C2orf92: variants seen among roughly 807,000 people sequenced by gnomAD.
The protein encoded by C2orf92 is uncharacterized protein C2orf92.
At chr2:97,665,765 ATATATATATT>A (rs1675210297), upstream of C2orf92, 1 of 90,394 alleles carries the variant, frequency 1.1e-5, no homozygotes, top group Non-Finnish European at 2.4e-5. Flanking sequence ...ATATATATAT[ATATATATATT>A]TTGTTTTGTT....
rs185370588 is a variant in C2orf92, at chr2:97,688,610, C to T, written c.233-285C>T. The stretch of plus-strand genomic sequence containing the variant: ...GGTGCATCAGAATGACAACAGAAAC[C>T]AGAAGAGTTATTAGGGCACTAAGTA... On this transcript the variant is annotated intron_variant, in intron 3 of 7. Coordinates refer to ENST00000627399, the MANE Select transcript of C2orf92 (RefSeq NM_001351368.2). Among the ~76,000 whole-genome samples, 4 of 152,214 alleles carry T rather than the reference C, an allele frequency of 2.6e-5. No individual in the cohort carries two copies. In the East Asian group the frequency reaches 7.7e-4, roughly 29 times the overall value.
chr2:97,675,892 T>A lies in C2orf92; in HGVS notation c.196T>A (p.Ser66Thr). The change falls in exon 3 of 8, where the codon TCA (serine) becomes ACA (threonine). Residue 66 changes from serine to threonine, a missense_variant. Coordinates refer to ENST00000627399, the MANE Select transcript of C2orf92 (RefSeq NM_001351368.2). ...GAACAATGCTGCATTTGCATCAGGT[T>A]CAAATGAGCGAGAGGAACATTTGGC... ...SLNNAAFASG[S>T]NEREEHLAKI... 2.5e-6 allele frequency: 1 copy of A among 399,090 alleles called. No individual in the cohort carries two copies. 24.7% of individuals were successfully genotyped at this position (399,090 alleles called of 1,614,324 possible). A position where few individuals can be genotyped will look rare whatever the true frequency, so the allele number is the denominator to read the frequency against.
In C2orf92 at chr2:97,675,828, G is replaced by T; in HGVS notation, c.149-17G>T. On this transcript the variant is annotated splice_polypyrimidine_tract_variant and intron_variant, in intron 2 of 7. Coordinates refer to ENST00000627399, the MANE Select transcript of C2orf92 (RefSeq NM_001351368.2). ...CAATGAAAGACTTAATCACAGCCAT[G>T]GTTTATTTTCCCTTAGGCTATTCCC... is the stretch of plus-strand genomic sequence containing the variant. 2 of 399,080 alleles carry T rather than the reference G, an allele frequency of 5.0e-6. No homozygotes were observed. Among genetic ancestry groups the T allele is most frequent in the Non-Finnish European group, 8.8e-6 (2 of 226,072 alleles). 24.7% of individuals were successfully genotyped at this position (399,080 alleles called of 1,614,324 possible).
chr2:97,693,139 T>G (rs1352578616), intron 5 of C2orf92, among the ~76,000 whole-genome samples: 1 of 152,210 alleles, frequency 6.6e-6, no homozygotes, highest in Non-Finnish European at 1.5e-5. Flanking sequence ...TTAATGCATG[T>G]TGTAGCATAT....
chr2:97,674,511 A>C lies in C2orf92; in HGVS notation c.102A>C (p.Glu34Asp). 5.0e-6 allele frequency: 2 copies of C among 398,662 alleles called. No individual in the cohort carries two copies. Among genetic ancestry groups the C allele is most frequent in the Non-Finnish European group, 8.8e-6 (2 of 226,078 alleles). The allele number at this position is 398,662 out of a possible 1,614,324, so 24.7% of individuals were successfully genotyped here. Reference sequence around the variant, plus strand: ...TTCCGTATGACCCATCATTTGATGAAACAAGAACAGCAGTCAGATCCATTA... The same window carrying C: ...TTCCGTATGACCCATCATTTGATGACACAAGAACAGCAGTCAGATCCATTA... ...SKVPYDPSFD[E>D]TRTAVRSITK... The change falls in exon 2 of 8, where the codon GAA becomes GAC. Residue 34 changes from glutamate to aspartate, a missense_variant. Glu to Asp is a conservative substitution (Grantham distance 45). Transcript: ENST00000627399.
intron 4 of C2orf92, 107 bp from the exon 5 acceptor site, chr2:97,690,149 A>C: frequency 2.7e-6 from 1 of 374,118 alleles, no homozygotes; most frequent in Non-Finnish European, 4.8e-6. Context: ...AAAAAACCAC[A>C]AAAAAACCAA....
At chr2:97,692,016 T>C (rs1309125716) in intron 5 of C2orf92, among the ~76,000 whole-genome samples, 4 of 152,238 alleles carry the variant, frequency 2.6e-5, no homozygotes, top group Non-Finnish European at 5.9e-5. Flanking sequence ...TGTTTTTCCA[T>C]GTGAACTTTA....
chr2:97,671,332 G>GT (rs1176502474), intron 1 of C2orf92: 18 of 321,084 alleles, frequency 5.6e-5, no homozygotes, highest in Non-Finnish European at 1.0e-4. Context: ...TTTTTGTAGA[G>GT]TCGGGGGTCT....
chr2:97,698,309 T>C (rs993224899), intron 5 of C2orf92, among the ~76,000 whole-genome samples: 9 of 152,160 alleles, frequency 5.9e-5, no homozygotes, highest in African/African-American at 2.2e-4. Context: ...GCCTCCCGAT[T>C]TTCTCCAAGC....
intron 5 of C2orf92, among the ~76,000 whole-genome samples, chr2:97,697,725 G>A (rs1248492144): frequency 2.0e-5 from 3 of 151,846 alleles, no homozygotes; most frequent in Non-Finnish European, 4.4e-5. Flanking sequence ...TTATTTTATT[G>A]TTTAATTTTA....
At chr2:97,701,624 T>C (rs1407760625) in intron 7 of C2orf92, among the ~76,000 whole-genome samples, 1 of 152,186 alleles carries the variant, frequency 6.6e-6, no homozygotes, top group African/African-American at 2.4e-5. Flanking sequence ...AATAGGAATA[T>C]GGATTTACAA....
At chr2:97,699,173 C>G in intron 6 of C2orf92, 37 bp downstream of exon 6, 1 of 398,460 alleles carries the variant, frequency 2.5e-6, no homozygotes, top group Non-Finnish European at 4.4e-6. Context: ...AAGTATGATG[C>G]TTAAATACGG....
chr2:97,676,676 G>A (rs1307989973), intron 3 of C2orf92, among the ~76,000 whole-genome samples: 1 of 151,910 alleles, frequency 6.6e-6, no homozygotes, highest in Non-Finnish European at 1.5e-5. Context: ...GGAGGCTGAG[G>A]TGGGAGGATC....
At chr2:97,678,037 A>G (rs1675637504) in intron 3 of C2orf92, among the ~76,000 whole-genome samples, 1 of 152,026 alleles carries the variant, frequency 6.6e-6, no homozygotes, top group African/African-American at 2.4e-5. Context: ...CGTCTCTACT[A>G]AAAATACAAA....
chr2:97,679,830 T>G (rs1310043480), intron 3 of C2orf92, among the ~76,000 whole-genome samples: 1 of 109,568 alleles, frequency 9.1e-6, no homozygotes, highest in Non-Finnish European at 1.9e-5. Context: ...AGAGTGAAAC[T>G]CTATCTCAAA....
chr2:97,685,735 G>T (rs912905471), intron 3 of C2orf92, among the ~76,000 whole-genome samples: 2 of 151,934 alleles, frequency 1.3e-5, no homozygotes, highest in African/African-American at 4.8e-5. Context: ...GCTAATTTTT[G>T]CATTTTTAGT....
At chr2:97,688,854 T>C (rs1006389666) in intron 3 of C2orf92, 41 bp from the exon 4 acceptor site, 14 of 398,602 alleles carry the variant, frequency 3.5e-5, no homozygotes, top group African/African-American at 2.9e-4. Flanking sequence ...ATATCAATCC[T>C]GCGTTGCTGT....
rs1371079736 is a variant in C2orf92 at position 97,702,688 on chromosome 2, A to T, written c.685A>T (p.Thr229Ser). 7.5e-6 allele frequency: 3 copies of T among 398,922 alleles called. No individual in the cohort carries two copies. Among genetic ancestry groups the T allele is most frequent in the African/African-American group, 6.2e-5 (3 of 48,642 alleles). The allele number at this position is 398,922 out of a possible 1,614,324, so 24.7% of individuals were successfully genotyped here. A position where few individuals can be genotyped will look rare whatever the true frequency, so the allele number is the denominator to read the frequency against. ...KQPSSPLANT[T>S]YNIFIMDGKT... ...TTTTAGATCTCCTCTGGCAAACACG[A>T]CATATAATATTTTTATAATGGATGG... Residue 229 changes from threonine to serine, a missense_variant, in exon 8 of 8, where the codon ACA (threonine) becomes TCA (serine). Thr to Ser is a moderately conservative substitution (Grantham distance 58, BLOSUM62 1). Coordinates refer to ENST00000627399, the MANE Select transcript of C2orf92 (RefSeq NM_001351368.2).
chr2:97,665,041 T>C (rs1675161616), upstream of C2orf92, among the ~76,000 whole-genome samples: 1 of 152,218 alleles, frequency 6.6e-6, no homozygotes, highest in South Asian at 2.1e-4. Flanking sequence ...CAATATCAGG[T>C]AGTTGTATTA....
Sources: gnomAD v4.1 joint callset for allele counts (sites outside exome capture counted in the v4.1 genomes callset) on GRCh38, gnomAD v4.1.1 for gene constraint, MANE v1.5 for transcripts, NCBI Gene and HGNC (gene_info 2026-07-23, HGNC 2026-07-21) for gene names.